GALNT18: variants seen among roughly 807,000 people sequenced by gnomAD.
GALNT18 encodes the protein GalNAc-transferase 18.
Under a neutral mutation model 69.5 loss-of-function variants are expected in GALNT18, and 44 were observed. The observed-to-expected ratio is 0.63, with a 90% CI of 0.50 to 0.81. The LOEUF (loss-of-function observed/expected upper bound fraction) is 0.81, where lower values mean the gene tolerates loss of function less well. Ranked by LOEUF, GALNT18 falls within the 40% of genes least tolerant of loss-of-function variation. The pLI is 0.00. For synonymous variants in GALNT18, 364 were observed against 318.2 expected, an observed-to-expected ratio of 1.14 and a Z score of -1.53; for missense variants, 715 against 810.0, an observed-to-expected ratio of 0.88 and a Z score of 1.42.
intron 1 of GALNT18, among the ~76,000 whole-genome samples, chr11:11,504,479 G>A (rs377111619): frequency 3.3e-5 from 5 of 151,946 alleles, no homozygotes; most frequent in African/African-American, 9.7e-5. Context: ...GGTCATCACC[G>A]GGCGTGATGG....
chr11:11,446,102 C>T (rs1189060927), intron 2 of GALNT18, among the ~76,000 whole-genome samples: 2 of 152,252 alleles, frequency 1.3e-5, no homozygotes, highest in Admixed American at 1.3e-4. Flanking sequence ...GACATGGGCT[C>T]AAGGCTCAGC....
intron 1 of GALNT18, among the ~76,000 whole-genome samples, chr11:11,578,205 G>A (rs1350724965): frequency 1.3e-5 from 2 of 150,608 alleles, no homozygotes; most frequent in East Asian, 1.9e-4. Flanking sequence ...GCAGGGAGGA[G>A]GTGAGTCAGG....
intron 1 of GALNT18, among the ~76,000 whole-genome samples, chr11:11,528,827 T>C (rs769795363): frequency 5.3e-5 from 8 of 152,196 alleles, no homozygotes; most frequent in Non-Finnish European, 8.8e-5. Flanking sequence ...GAAGAGGGCA[T>C]GGGAGTTTCA....
intron 6 of GALNT18, chr11:11,352,972 A>G (rs752551667): frequency 1.9e-6 from 3 of 1,614,082 alleles, no homozygotes; most frequent in Admixed American, 1.7e-5. Context: ...ACTTCACTGT[A>G]TTTACCTCGG....
chr11:11,436,027 C>A lies in GALNT18; in HGVS notation c.429-3240G>T, dbSNP rs1482588492. On this transcript the variant is annotated intron_variant, in intron 2 of 10. Coordinates refer to ENST00000227756, the MANE Select transcript of GALNT18 (RefSeq NM_198516.3). This position sits in a 1 kb window ranked among gnomAD's most constrained non-coding sequence, Gnocchi z 4.5. ...CCTCTCTCTCGGCATCAGGAGACACCTTTCCTCAGCCTTCAGTTTCTCCAC... is the reference window on the plus strand; with the variant it reads ...CCTCTCTCTCGGCATCAGGAGACACATTTCCTCAGCCTTCAGTTTCTCCAC... 6.6e-6 allele frequency among the ~76,000 whole-genome samples: 1 copy of A among 152,250 alleles called. No individual in the cohort carries two copies. Among genetic ancestry groups the A allele is most frequent in the African/African-American group, 2.4e-5 (1 of 41,468 alleles).
chr11:11,304,375 A>G (rs1251313796), intron 9 of GALNT18, among the ~76,000 whole-genome samples: 1 of 152,212 alleles, frequency 6.6e-6, no homozygotes, highest in Non-Finnish European at 1.5e-5. Context: ...CTTGTTCATT[A>G]GTAAGTTCTC....
intron 8 of GALNT18, 88 bp from the exon 9 acceptor site, chr11:11,327,269 G>T: frequency 1.0e-6 from 1 of 1,001,822 alleles, no homozygotes; most frequent in Non-Finnish European, 1.6e-6. Context: ...GTATTCTGCT[G>T]AGACAGATTT....
chr11:11,582,829 TG>T lies in GALNT18; in HGVS notation c.235+38529del, dbSNP rs1859119226. On this transcript the variant is annotated intron_variant, in intron 1 of 10. Transcript: ENST00000227756. This position sits in a 1 kb window ranked among gnomAD's most constrained non-coding sequence, Gnocchi z 5.0. ...ATTTTTAAAAGATTACTCTAGTTGT[TG>T]AGTGAAGAACGGACCCACATCAGCT... is the stretch of plus-strand genomic sequence containing the variant. Among the ~76,000 whole-genome samples, 1 of 152,182 alleles carries T rather than the reference TG, an allele frequency of 6.6e-6. No individual in the cohort carries two copies. Among genetic ancestry groups the T allele is most frequent in the South Asian group, 2.1e-4 (1 of 4,826 alleles).
At chr11:11,486,078 T>C (rs1365949001) in intron 1 of GALNT18, among the ~76,000 whole-genome samples, 1 of 152,122 alleles carries the variant, frequency 6.6e-6, no homozygotes, top group Non-Finnish European at 1.5e-5. Flanking sequence ...TGGGAGTGCG[T>C]GGGAATCTAC....
At chr11:11,471,512 T>C (rs1856269259) in intron 1 of GALNT18, among the ~76,000 whole-genome samples, 1 of 152,180 alleles carries the variant, frequency 6.6e-6, no homozygotes, top group Admixed American at 6.5e-5. Context: ...GGCAAGATTC[T>C]TCTTGCTGTG....
rs1258438521 is a variant in GALNT18 at position 11,621,518 on chromosome 11, G to A, written c.76C>T (p.Leu26=). The change falls in exon 1 of 11, where the codon CTG becomes TTG. Residue 26 remains leucine, a synonymous_variant. Transcript: ENST00000227756. The surrounding 1 kb of genome is among the most constrained non-coding windows in gnomAD (Gnocchi z 9.3). ...ILSGMTNIIC[L]LYVGWVTNYI... is the part of the protein sequence containing the mutation. Reference sequence around the variant, plus strand: ...TTGGTGACCCAGCCCACGTAGAGCAGGCAGATGATGTTAGTCATGCCGCTC... The same window carrying A: ...TTGGTGACCCAGCCCACGTAGAGCAAGCAGATGATGTTAGTCATGCCGCTC... 3 of 1,614,010 alleles carry A rather than the reference G, an allele frequency of 1.9e-6. No individual in the cohort carries two copies. Among genetic ancestry groups the A allele is most frequent in the South Asian group, 2.2e-5 (2 of 91,082 alleles).
In GALNT18 at chr11:11,449,206, C is replaced by T. The variant is rs77060122; in HGVS notation, c.236-270G>A. ...AAGCTAATGGATGTGACATTGATGCCCCATGGCTTCAAGTCAGGACCCCCT... is the reference window on the plus strand; with the variant it reads ...AAGCTAATGGATGTGACATTGATGCTCCATGGCTTCAAGTCAGGACCCCCT... On this transcript the variant is annotated intron_variant, in intron 1 of 10. Transcript: ENST00000227756. 7.7e-3 allele frequency among the ~76,000 whole-genome samples: 1,175 copies of T among 152,294 alleles called. 7 individuals carry two copies. The highest frequency in any genetic ancestry group is 0.022 in the African/African-American group (929 of 41,562).
chr11:11,558,597 A>C (rs753933492), intron 1 of GALNT18, among the ~76,000 whole-genome samples: 21 of 152,214 alleles, frequency 1.4e-4, no homozygotes, highest in Non-Finnish European at 1.9e-4. Flanking sequence ...CTTTAGAAGC[A>C]TCAGGGATGG....
chr11:11,547,466 T>C (rs934672305), intron 1 of GALNT18, among the ~76,000 whole-genome samples: 55 of 152,248 alleles, frequency 3.6e-4, no homozygotes, highest in Admixed American at 1.2e-3. Flanking sequence ...GCTCAGCCTC[T>C]GGCAATGCCC....
intron 9 of GALNT18, among the ~76,000 whole-genome samples, chr11:11,295,040 G>A (rs1849371420): frequency 6.6e-6 from 1 of 152,198 alleles, no homozygotes; most frequent in South Asian, 2.1e-4. Context: ...TCTTGCTTTA[G>A]CAAAAGAGGG....
chr11:11,560,230 G>C (rs369431099), intron 1 of GALNT18, among the ~76,000 whole-genome samples: 4 of 98,592 alleles, frequency 4.1e-5, no homozygotes, highest in African/African-American at 7.5e-5. Context: ...GAAGGGATGG[G>C]ATGGAATAGA....
At chr11:11,286,401 A>G (rs1450864263) in intron 10 of GALNT18, among the ~76,000 whole-genome samples, 9 of 151,812 alleles carry the variant, frequency 5.9e-5, no homozygotes, top group Non-Finnish European at 1.3e-4. Context: ...GCTACCACCT[A>G]AAAGTGTTCA....
At chr11:11,490,475 T>C (rs1856745037) in intron 1 of GALNT18, among the ~76,000 whole-genome samples, 1 of 152,188 alleles carries the variant, frequency 6.6e-6, no homozygotes. Context: ...ATAAGATATC[T>C]ATGTAATGTG....
At chr11:11,610,084 G>A (rs1433395635) in intron 1 of GALNT18, among the ~76,000 whole-genome samples, 2 of 152,170 alleles carry the variant, frequency 1.3e-5, no homozygotes, top group African/African-American at 4.8e-5. Flanking sequence ...TCAGCTCCTG[G>A]CATAGTCTTC....
Sources: allele counts gnomAD v4.1 joint callset (sites outside exome capture counted in the v4.1 genomes callset), GRCh38; gene constraint gnomAD v4.1.1; non-coding constraint Gnocchi (gnomAD v3.1); transcripts MANE v1.5; gene names NCBI Gene and HGNC (gene_info 2026-07-23, HGNC 2026-07-21).